The following PACRGL variants were observed in gnomAD, a reference collection of about 807,000 sequenced individuals.
The protein encoded by PACRGL is PACRG-like protein.
PACRGL carries 38 observed loss-of-function variants against 34.5 expected under a neutral mutation model. That is an observed-to-expected ratio of 1.10 (90% CI 0.85 to 1.44). The LOEUF (loss-of-function observed/expected upper bound fraction) is 1.44, where lower values mean the gene tolerates loss of function less well. PACRGL is among the 40% of genes most tolerant of loss of function. The probability of loss-of-function intolerance (pLI) is 0.00; values close to 1 mark genes in which losing one functional copy is unlikely to be tolerated. For synonymous variants in PACRGL, 128 were observed against 100.1 expected, an observed-to-expected ratio of 1.28 and a Z score of -1.66; for missense variants, 305 against 281.4, an observed-to-expected ratio of 1.08 and a Z score of -0.60.
At chr4:20,756,227 AAC>A (rs1423036734), downstream of PACRGL, among the ~76,000 whole-genome samples, 1 of 152,060 alleles carries the variant, frequency 6.6e-6, no homozygotes. Flanking sequence ...TGGCCATAAT[AAC>A]AGAGAGAAAC....
At position 20,709,868 on chromosome 4, in the gene PACRGL, GCC is replaced by G. The variant is rs1736296001; in HGVS notation, c.366+96_366+97del. 4 of 1,055,600 alleles carry G rather than the reference GCC, an allele frequency of 3.8e-6. No homozygotes were observed. The African/African-American group carries it at 4.7e-5, about 13-fold the overall frequency. 65.4% of individuals were successfully genotyped at this position (1,055,600 alleles called of 1,614,324 possible). On this transcript the variant is annotated intron_variant, in intron 5 of 8. Coordinates refer to ENST00000503585, the MANE Select transcript of PACRGL (RefSeq NM_001258345.3). ...AGCTTGTCAGTAAATTTCATTCTAT[GCC>G]TTTGAAAAACGAAGCACACAATAGG...
At chr4:20,755,804 G>A (rs1342722474), downstream of PACRGL, among the ~76,000 whole-genome samples, 1 of 152,114 alleles carries the variant, frequency 6.6e-6, no homozygotes, top group East Asian at 1.9e-4. Flanking sequence ...TCAGGCAGAG[G>A]GAACAGCAGG....
At chr4:20,716,028 G>A in intron 7 of PACRGL, 1 of 1,366,412 alleles carries the variant, frequency 7.3e-7, no homozygotes, top group Non-Finnish European at 9.8e-7. Context: ...CGATGTTTTA[G>A]TGAATCTGTA....
intron 8 of PACRGL, among the ~76,000 whole-genome samples, chr4:20,737,979 CA>C (rs1205978077): frequency 1.3e-5 from 2 of 151,916 alleles, no homozygotes; most frequent in Admixed American, 1.3e-4. Flanking sequence ...GCAAGAAAAA[CA>C]AATTAACTGG....
intron 8 of PACRGL, among the ~76,000 whole-genome samples, chr4:20,726,877 C>T (rs1745904335): frequency 6.6e-6 from 1 of 152,122 alleles, no homozygotes. Flanking sequence ...TGTGTGGGAA[C>T]TTATTACATG....
the PACRGL span, among the ~76,000 whole-genome samples, chr4:20,760,824 AAAAC>A: frequency 5.6e-4 from 85 of 152,278 alleles, 1 homozygote; most frequent in South Asian, 4.6e-3. Context: ...AGTAAAGAAA[AAAAC>A]AACCAAAAAC....
intron 8 of PACRGL, among the ~76,000 whole-genome samples, chr4:20,750,310 C>G (rs1447094418): frequency 6.6e-6 from 1 of 152,136 alleles, no homozygotes; most frequent in Non-Finnish European, 1.5e-5. Context: ...TCAGCCAGTA[C>G]CAGGCTAGCC....
intron 5 of PACRGL, among the ~76,000 whole-genome samples, chr4:20,710,425 A>C (rs1185596299): frequency 1.3e-5 from 2 of 152,230 alleles, no homozygotes; most frequent in African/African-American, 4.8e-5. Flanking sequence ...TGAATTAACC[A>C]GTTGTCTTGT....
downstream of PACRGL, chr4:20,734,476 C>T: frequency 6.9e-6 from 3 of 434,322 alleles, no homozygotes; most frequent in Non-Finnish European, 1.2e-5. Context: ...ACTTCTATCC[C>T]AAGTTTTTAA....
intron 1 of PACRGL, among the ~76,000 whole-genome samples, chr4:20,704,243 G>C (rs1431252731): frequency 6.6e-6 from 1 of 152,250 alleles, no homozygotes; most frequent in Middle Eastern, 3.4e-3. Context: ...GTTGACTTTT[G>C]TACATCATTT....
At position 20,728,624 on chromosome 4, in the gene PACRGL, ATTTTGC is replaced by A. The variant is rs1234002785; in HGVS notation, c.*1288_*1293del. 5 of 152,522 alleles carry A rather than the reference ATTTTGC, an allele frequency of 3.3e-5. No individual in the cohort carries two copies. The highest frequency in any genetic ancestry group is 7.4e-5 in the Non-Finnish European group (5 of 68,008). The allele number at this position is 152,522 out of a possible 1,614,324, so 9.4% of individuals were successfully genotyped here. On this transcript the variant is annotated 3_prime_UTR_variant, in exon 9 of 9. Coordinates refer to ENST00000503585, the MANE Select transcript of PACRGL (RefSeq NM_001258345.3). ...TAGACAGTAGAGTTATAAACATTTT[ATTTTGC>A]TTTTATTTTTTCTTTTTGAAATACA...
At position 20,727,318 on chromosome 4, in the gene PACRGL, A is replaced by G; in HGVS notation, c.724A>G (p.Thr242Ala). The G allele has an allele frequency of 6.2e-7, 1 of 1,613,042 alleles. No homozygotes were observed. Among genetic ancestry groups the G allele is most frequent in the South Asian group, 1.1e-5 (1 of 91,040 alleles). ...SLSIIKSKIP[T>A]YCSICC ...TAGCATCATCAAATCTAAAATTCCA[A>G]CATACTGCTCCATATGCTGTTGAAG... is the stretch of plus-strand genomic sequence containing the variant. The change falls in exon 9 of 9, where the codon ACA (threonine) becomes GCA (alanine). Residue 242 changes from threonine (T) to alanine (A), a missense_variant. Physicochemically the swap from Thr to Ala is moderately conservative, Grantham distance 58. Transcript: ENST00000503585.
At chr4:20,708,006 C>T in intron 4 of PACRGL, 136 bp downstream of exon 4, 1 of 695,368 alleles carries the variant, frequency 1.4e-6, no homozygotes, top group Non-Finnish European at 2.4e-6. Context: ...TTCACACTTT[C>T]TTTTGGACTG....
chr4:20,713,387 C>G (rs1738225681), intron 6 of PACRGL, 45 bp from the exon 7 acceptor site: 2 of 1,446,578 alleles, frequency 1.4e-6, no homozygotes, highest in African/African-American at 1.4e-5. Context: ...CTTTTCTCCT[C>G]TCTTCCCTGA....
At chr4:20,723,490 T>C (rs1744330631) in intron 7 of PACRGL, among the ~76,000 whole-genome samples, 1 of 151,890 alleles carries the variant, frequency 6.6e-6, no homozygotes, top group Non-Finnish European at 1.5e-5. Context: ...CAAGGACATC[T>C]GCTGAGAAAA....
the PACRGL span, among the ~76,000 whole-genome samples, chr4:20,761,963 T>C: frequency 7.9e-5 from 12 of 152,170 alleles, no homozygotes; most frequent in African/African-American, 2.9e-4. Context: ...CTGGGACTGC[T>C]ACAATAAACC....
At chr4:20,719,006 G>A (rs374942545) in intron 7 of PACRGL, 6 of 152,114 alleles carry the variant, frequency 3.9e-5, no homozygotes, top group East Asian at 1.9e-4. Context: ...CTCAATTTCC[G>A]AGCCTGTTAT....
At chr4:20,702,082 A>C in intron 1 of PACRGL, 2 of 445,782 alleles carry the variant, frequency 4.5e-6, no homozygotes, top group South Asian at 3.2e-5. Context: ...AACTTTTTCA[A>C]ATGAGTTTTG....
At chr4:20,753,610 A>G (rs767114409), downstream of PACRGL, among the ~76,000 whole-genome samples, 9 of 152,162 alleles carry the variant, frequency 5.9e-5, no homozygotes, top group Admixed American at 2.0e-4. Context: ...ATTGAATTCA[A>G]GCACGAGGAA....
Sources: gnomAD v4.1 joint callset for allele counts (sites outside exome capture counted in the v4.1 genomes callset) on GRCh38, gnomAD v4.1.1 for gene constraint, MANE v1.5 for transcripts, NCBI Gene and HGNC (gene_info 2026-07-23, HGNC 2026-07-21) for gene names.